The following COL4A1 variants were observed in gnomAD, a reference collection of about 807,000 sequenced individuals.
COL4A1 encodes collagen alpha-1(IV) chain.
COL4A1 carries 40 observed loss-of-function variants against 216.6 expected under a neutral mutation model. The ratio of observed to expected loss-of-function variants is 0.18; its 90% CI spans 0.14 to 0.24. COL4A1 has a LOEUF of 0.24. COL4A1 is among the 10% of genes least tolerant of loss of function. The pLI is 1.00. For synonymous variants in COL4A1, 839 were observed against 810.7 expected, an observed-to-expected ratio of 1.03 and a Z score of -0.59; for missense variants, 1,628 against 2,196.8, an observed-to-expected ratio of 0.74 and a Z score of 5.18.
At chr13:110,160,428 T>C (rs913251405) in intron 49 of COL4A1, among the ~76,000 whole-genome samples, 15 of 105,020 alleles carry the variant, frequency 1.4e-4, no homozygotes, top group East Asian at 5.5e-4. Flanking sequence ...CCGGCCTGGG[T>C]GACAGAGCGA....
At chr13:110,205,978 T>C (rs368309972) in intron 15 of COL4A1, among the ~76,000 whole-genome samples, 1 of 152,174 alleles carries the variant, frequency 6.6e-6, no homozygotes. Flanking sequence ...GAGGGTTCTA[T>C]GTAAGTTGAC....
chr13:110,292,520 AAAGT>A (rs1884127338), intron 1 of COL4A1, among the ~76,000 whole-genome samples: 1 of 152,216 alleles, frequency 6.6e-6, no homozygotes, highest in Non-Finnish European at 1.5e-5. Flanking sequence ...GGTAATTTAT[AAAGT>A]AAGGAGATTT....
chr13:110,191,939 T>C (rs1430599874), intron 24 of COL4A1, among the ~76,000 whole-genome samples: 3 of 152,234 alleles, frequency 2.0e-5, no homozygotes, highest in African/African-American at 7.2e-5. Context: ...CACACTCCCA[T>C]TCAGCCACAC....
At chr13:110,274,317 T>C (rs1056469861) in intron 1 of COL4A1, among the ~76,000 whole-genome samples, 2 of 152,240 alleles carry the variant, frequency 1.3e-5, no homozygotes, top group African/African-American at 4.8e-5. Flanking sequence ...GGCATCAGGA[T>C]ACCTGCAGTA....
intron 2 of COL4A1, among the ~76,000 whole-genome samples, chr13:110,224,275 A>C (rs1880637004): frequency 6.6e-6 from 1 of 152,220 alleles, no homozygotes; most frequent in Non-Finnish European, 1.5e-5. Flanking sequence ...AATAATTGAT[A>C]ACAAAATATC....
At chr13:110,187,800 T>C (rs954592228) in intron 24 of COL4A1, among the ~76,000 whole-genome samples, 3 of 152,202 alleles carry the variant, frequency 2.0e-5, no homozygotes, top group African/African-American at 7.2e-5. Flanking sequence ...CAGAAGCCTT[T>C]TCTCCAGCTT....
At chr13:110,170,509 C>G in intron 42 of COL4A1, 38 bp downstream of exon 42, 1 of 1,561,534 alleles carries the variant, frequency 6.4e-7, no homozygotes, top group Non-Finnish European at 8.7e-7. Context: ...GAATTCTGTC[C>G]CAGTCCTCAG....
intron 4 of COL4A1, 93 bp from the exon 5 acceptor site, chr13:110,212,711 A>G (rs1594586836): frequency 1.4e-6 from 2 of 1,454,954 alleles, no homozygotes; most frequent in South Asian, 2.3e-5. Flanking sequence ...TCATGCCCTC[A>G]TTTTTGGTGT....
chr13:110,178,775 C>G (rs1480356842), intron 31 of COL4A1, 148 bp downstream of exon 31: 2 of 674,140 alleles, frequency 3.0e-6, no homozygotes, highest in Non-Finnish European at 5.2e-6. Flanking sequence ...ACAATCAAAC[C>G]TATTTTCACA....
chr13:110,285,985 G>A (rs1230116994), intron 1 of COL4A1, among the ~76,000 whole-genome samples: 1 of 152,170 alleles, frequency 6.6e-6, no homozygotes, highest in African/African-American at 2.4e-5. Flanking sequence ...CTCTGGAAAT[G>A]GGACCCCGTT....
At chr13:110,219,829 T>C (rs1317985601) in intron 2 of COL4A1, among the ~76,000 whole-genome samples, 1 of 87,272 alleles carries the variant, frequency 1.1e-5, no homozygotes, top group Admixed American at 1.3e-4. Flanking sequence ...TATATATATG[T>C]ATGTATGTAT....
At position 110,170,729 on chromosome 13, in the gene COL4A1, G is replaced by A; in HGVS notation, c.3560C>T (p.Ser1187Leu). The change falls in exon 42 of 52, where the codon TCA (serine) becomes TTA (leucine). Residue 1187 changes from serine to leucine, a missense_variant. This residue lies in a region of COL4A1 where 345 missense variants were observed against 476.9 expected (regional missense o/e 0.72). Coordinates refer to ENST00000375820, the MANE Select transcript of COL4A1 (RefSeq NM_001845.6). ...TCCTGGGAAACCCACCTCACCCTTT[G>A]AACCTGAACAAGAAAAACAGTTTGA... The part of the protein sequence containing the change: ...GFPGAKGDKG[S>L]KGEVGFPGLA... 6.2e-7 allele frequency: 1 copy of A among 1,614,178 alleles called. No homozygotes were observed. The highest frequency in any genetic ancestry group is 8.5e-7 in the Non-Finnish European group (1 of 1,180,034).
At chr13:110,209,299 T>TA (rs1350286525) in intron 11 of COL4A1, 93 bp downstream of exon 11, 49 of 1,169,446 alleles carry the variant, frequency 4.2e-5, no homozygotes, top group Non-Finnish European at 6.0e-5. Context: ...CAACTTTTTT[T>TA]TAGAGACTGA....
chr13:110,221,682 T>G (rs2086971814), intron 2 of COL4A1, among the ~76,000 whole-genome samples: 1 of 152,222 alleles, frequency 6.6e-6, no homozygotes, highest in Non-Finnish European at 1.5e-5. Flanking sequence ...GAGGCAACTA[T>G]TATCTTCAAG....
At chr13:110,253,265 A>T (rs1882278781) in intron 1 of COL4A1, among the ~76,000 whole-genome samples, 1 of 135,782 alleles carries the variant, frequency 7.4e-6, no homozygotes, top group South Asian at 2.3e-4. Flanking sequence ...AATTAGGTAT[A>T]TATACATATA....
intron 49 of COL4A1, among the ~76,000 whole-genome samples, chr13:110,160,245 A>G (rs555354554): frequency 2.1e-4 from 26 of 121,030 alleles, no homozygotes; most frequent in Middle Eastern, 4.1e-3. Flanking sequence ...GATCGAGACC[A>G]TCCTGGCTAA....
intron 20 of COL4A1, among the ~76,000 whole-genome samples, chr13:110,200,125 C>CT (rs1879112450): frequency 1.3e-5 from 2 of 152,250 alleles, no homozygotes; most frequent in Non-Finnish European, 2.9e-5. Context: ...AGCGTAAAGG[C>CT]TGCGAACACT....
chr13:110,296,174 C>G (rs1220061403), intron 1 of COL4A1, among the ~76,000 whole-genome samples: 3 of 152,228 alleles, frequency 2.0e-5, no homozygotes, highest in Admixed American at 6.5e-5. Flanking sequence ...AGTGAAGCTA[C>G]GGAGATTCTG....
At chr13:110,289,842 T>G (rs935914928) in intron 1 of COL4A1, among the ~76,000 whole-genome samples, 1 of 152,136 alleles carries the variant, frequency 6.6e-6, no homozygotes, top group Non-Finnish European at 1.5e-5. Context: ...CACCGCTTCT[T>G]CCTCTGTCTT....
Sources: allele counts gnomAD v4.1 joint callset (sites outside exome capture counted in the v4.1 genomes callset), GRCh38; gene constraint gnomAD v4.1.1; regional missense constraint gnomAD v4.1.1; transcripts MANE v1.5; gene names NCBI Gene and HGNC (gene_info 2026-07-23, HGNC 2026-07-21).